The following CNBD1 variants were observed in gnomAD, a reference collection of about 807,000 sequenced individuals.
CNBD1 encodes the protein cyclic nucleotide binding domain containing 1.
Under a neutral mutation model 54.4 loss-of-function variants are expected in CNBD1, and 71 were observed. That is an observed-to-expected ratio of 1.30 (90% confidence interval 1.08 to 1.59). CNBD1 has a LOEUF of 1.59. Among genes scored for constraint, CNBD1 ranks in the 40% most tolerant of loss-of-function variants. CNBD1 has a pLI of 0.00. For synonymous variants in CNBD1, 182 were observed against 170.7 expected (o/e 1.07, Z -0.51); for missense variants, 659 against 518.0 (o/e 1.27, Z -2.64).
chr8:87,369,016 T>C (rs1810703560), intron 10 of CNBD1, among the ~76,000 whole-genome samples: 1 of 151,968 alleles, frequency 6.6e-6, no homozygotes, highest in Non-Finnish European at 1.5e-5. Context: ...GCCTCCAGGA[T>C]CCATATTACA....
downstream of CNBD1, among the ~76,000 whole-genome samples, chr8:87,385,197 G>A (rs965254200): frequency 9.2e-5 from 14 of 152,094 alleles, no homozygotes; most frequent in Admixed American, 2.6e-4. Flanking sequence ...CTTGAGTAAC[G>A]CAGAAGATGG....
intron 10 of CNBD1, among the ~76,000 whole-genome samples, chr8:87,359,622 A>G (rs763686196): frequency 4.6e-5 from 7 of 152,118 alleles, no homozygotes; most frequent in Non-Finnish European, 7.4e-5. Flanking sequence ...TTAATCTGCT[A>G]TATCCTATCT....
chr8:87,111,871 T>A (rs1811670872), intron 4 of CNBD1, among the ~76,000 whole-genome samples: 1 of 152,112 alleles, frequency 6.6e-6, no homozygotes, highest in South Asian at 2.1e-4. Context: ...TTAAGTACTG[T>A]TACATGTCTC....
chr8:87,347,776 C>G (rs10095273), intron 8 of CNBD1, among the ~76,000 whole-genome samples: 1,889 of 152,092 alleles, frequency 0.012, 45 homozygotes, highest in African/African-American at 0.043. Flanking sequence ...ACATTGCCTG[C>G]TGAGAAGGGG....
At chr8:87,315,623 G>A (rs6993978) in intron 8 of CNBD1, among the ~76,000 whole-genome samples, 58,086 of 151,748 alleles carry the variant, frequency 0.38, 11,384 homozygotes, top group Middle Eastern at 0.46. Flanking sequence ...TTCATGAGGG[G>A]TCAGCCCTCA....
chr8:87,424,627 G>T (rs1337683611), intron 2 of CNBD1, among the ~76,000 whole-genome samples: 1 of 152,156 alleles, frequency 6.6e-6, no homozygotes, highest in Non-Finnish European at 1.5e-5. Context: ...TGATTGCACT[G>T]TGGTCTGAGA....
intron 6 of CNBD1, among the ~76,000 whole-genome samples, chr8:87,244,569 T>G (rs1479105058): frequency 6.6e-6 from 1 of 152,166 alleles, no homozygotes. Flanking sequence ...TTTAAGTAAC[T>G]GTATTTTTAT....
intron 8 of CNBD1, among the ~76,000 whole-genome samples, chr8:87,305,547 TA>T (rs1341345054): frequency 1.3e-5 from 2 of 152,058 alleles, no homozygotes. Context: ...GGGATTGGTA[TA>T]AAAATAGGCA....
intron 2 of CNBD1, among the ~76,000 whole-genome samples, chr8:87,403,696 G>A (rs1056549953): frequency 2.0e-5 from 3 of 151,402 alleles, no homozygotes; most frequent in Non-Finnish European, 2.9e-5. Context: ...TTATATTTAC[G>A]ACAACAGTTA....
At chr8:86,904,883 C>T (rs1256161570) in intron 2 of CNBD1, among the ~76,000 whole-genome samples, 198 bp from the exon 3 acceptor site, 2 of 151,948 alleles carry the variant, frequency 1.3e-5, no homozygotes, top group Admixed American at 1.3e-4. Flanking sequence ...CATTATCATA[C>T]ATTTTGTATT....
At chr8:87,264,302 T>A (rs1033086094) in intron 6 of CNBD1, among the ~76,000 whole-genome samples, 1 of 152,172 alleles carries the variant, frequency 6.6e-6, no homozygotes, top group Non-Finnish European at 1.5e-5. Flanking sequence ...TCCAGCTTCA[T>A]CCATGTCCCT....
At chr8:86,927,991 A>G (rs1320715749) in intron 3 of CNBD1, among the ~76,000 whole-genome samples, 1 of 151,750 alleles carries the variant, frequency 6.6e-6, no homozygotes, top group Non-Finnish European at 1.5e-5. Context: ...CCAAGATTCC[A>G]CTCTTGCCAC....
chr8:86,970,343 A>AT (rs1203637241), intron 4 of CNBD1, among the ~76,000 whole-genome samples: 1 of 151,484 alleles, frequency 6.6e-6, no homozygotes, highest in African/African-American at 2.4e-5. Context: ...TGTTCTTATG[A>AT]TTTTGTCTCA....
At chr8:87,221,694 A>G (rs922482518) in intron 5 of CNBD1, among the ~76,000 whole-genome samples, 2 of 152,140 alleles carry the variant, frequency 1.3e-5, no homozygotes, top group African/African-American at 4.8e-5. Flanking sequence ...CAATACCAGA[A>G]GAGTATTTAT....
chr8:87,337,253 G>A (rs1052057758), intron 8 of CNBD1, among the ~76,000 whole-genome samples: 2 of 152,114 alleles, frequency 1.3e-5, no homozygotes, highest in Non-Finnish European at 2.9e-5. Context: ...CTGTGCTGGG[G>A]GGAAACACAC....
intron 3 of CNBD1, among the ~76,000 whole-genome samples, chr8:86,935,058 C>T (rs570351415): frequency 4.2e-5 from 6 of 144,526 alleles, no homozygotes; most frequent in Non-Finnish European, 6.0e-5. Flanking sequence ...TATTTTGAGA[C>T]AGAGTCTTGC....
In CNBD1 at chr8:87,171,457, AC is replaced by A. The variant is rs1813084899; in HGVS notation, c.432-34534del. Among the ~76,000 whole-genome samples, 4 of 151,452 alleles carry A rather than the reference AC, an allele frequency of 2.6e-5. No individual in the cohort carries two copies. The South Asian group carries it at 8.3e-4, about 31-fold the overall frequency. On this transcript the variant is annotated intron_variant, in intron 4 of 10. Transcript: ENST00000518476. ...TTGTCCATTTTATCTTTAAAAAAAA[AC>A]CAACTTTTTGTTTTGTTGATCTTTT... is the stretch of plus-strand genomic sequence containing the variant.
intron 4 of CNBD1, among the ~76,000 whole-genome samples, chr8:87,191,590 G>C (rs566130119): frequency 1.3e-5 from 2 of 152,172 alleles, no homozygotes; most frequent in Non-Finnish European, 2.9e-5. Context: ...ACCTGGTGTT[G>C]GAGTTGGGTT....
At chr8:87,038,017 A>ACATC (rs1809986095) in intron 4 of CNBD1, among the ~76,000 whole-genome samples, 9 of 152,296 alleles carry the variant, frequency 5.9e-5, no homozygotes, top group Non-Finnish European at 1.2e-4. Context: ...CCAAGTTTTC[A>ACATC]TGGGGCCTGA....
Sources: allele counts gnomAD v4.1 joint callset (sites outside exome capture counted in the v4.1 genomes callset), GRCh38; gene constraint gnomAD v4.1.1; transcripts MANE v1.5; gene names NCBI Gene and HGNC (gene_info 2026-07-23, HGNC 2026-07-21).